Variants in TERB2 observed in about 807,000 individuals in gnomAD.
The protein encoded by TERB2 is telomere repeat binding bouquet formation protein 2, also known as telomere repeats-binding bouquet formation protein 2.
TERB2 carries 26 observed loss-of-function variants against 29.8 expected under a neutral mutation model. The observed-to-expected ratio is 0.87, with a 90% CI of 0.64 to 1.21. The LOEUF is 1.21. TERB2 is among the 50% of genes most tolerant of loss of function. The pLI is 0.00. For missense variants in TERB2, 240 were observed against 268.6 expected, an observed-to-expected ratio of 0.89 and a Z score of 0.74; for synonymous variants, 80 against 90.8, an observed-to-expected ratio of 0.88 and a Z score of 0.68.
intron 4 of TERB2, among the ~76,000 whole-genome samples, chr15:44,963,889 C>G (rs1460413617): frequency 2.1e-5 from 3 of 142,808 alleles, no homozygotes; most frequent in African/African-American, 7.9e-5. Flanking sequence ...AAGCTTACTG[C>G]GACCACCACC....
At chr15:44,971,389 A>G (rs1714293105) in intron 5 of TERB2, among the ~76,000 whole-genome samples, 1 of 152,144 alleles carries the variant, frequency 6.6e-6, no homozygotes, top group African/African-American at 2.4e-5. Context: ...GGATATTTTA[A>G]TTGATTCTAA....
At chr15:44,958,072 G>GC (rs200739765) in intron 2 of TERB2, among the ~76,000 whole-genome samples, 2,465 of 152,218 alleles carry the variant, frequency 0.016, 18 homozygotes, top group Middle Eastern at 0.031. Flanking sequence ...CCATGGATAA[G>GC]CCCCATAGGC....
intron 4 of TERB2, chr15:44,962,937 T>C (rs1285579122): frequency 6.6e-6 from 1 of 151,300 alleles, no homozygotes; most frequent in Non-Finnish European, 1.5e-5. Context: ...TACGTGTATA[T>C]GATACTCCAA....
intron 6 of TERB2, among the ~76,000 whole-genome samples, chr15:44,975,472 T>C (rs12902975): frequency 0.13 from 19,884 of 152,074 alleles, 1,536 homozygotes; most frequent in East Asian, 0.3. Context: ...TTCTTTGGAA[T>C]GGGTTGGGTT....
At chr15:44,974,581 T>C (rs1291457964) in intron 6 of TERB2, among the ~76,000 whole-genome samples, 1 of 151,968 alleles carries the variant, frequency 6.6e-6, no homozygotes, top group Non-Finnish European at 1.5e-5. Flanking sequence ...ATTGAGAGGG[T>C]AGAACCAAGG....
chr15:44,957,076 C>A (rs1283698960), intron 2 of TERB2, 99 bp downstream of exon 2: 1 of 1,241,416 alleles, frequency 8.1e-7, no homozygotes, highest in Non-Finnish European at 1.1e-6. Flanking sequence ...AGGCTGGGCG[C>A]GGTGGCGGAC....
At chr15:44,972,252 A>G (rs1294504871) in intron 5 of TERB2, among the ~76,000 whole-genome samples, 1 of 151,986 alleles carries the variant, frequency 6.6e-6, no homozygotes, top group East Asian at 1.9e-4. Flanking sequence ...CGGCCTCCCA[A>G]AGTGCTGGGA....
chr15:44,969,337 G>T (rs1891934567), intron 5 of TERB2, among the ~76,000 whole-genome samples: 1 of 151,942 alleles, frequency 6.6e-6, no homozygotes, highest in Non-Finnish European at 1.5e-5. Flanking sequence ...CAAACTCCTG[G>T]CCTCAAGCAA....
chr15:44,966,288 A>G, intron 5 of TERB2, 45 bp downstream of exon 5: 1 of 1,248,384 alleles, frequency 8.0e-7, no homozygotes, highest in Non-Finnish European at 1.1e-6. Context: ...CAATGTAGAA[A>G]TCTGTGAGCA....
intron 5 of TERB2, among the ~76,000 whole-genome samples, chr15:44,972,258 T>C (rs774110593): frequency 1.3e-4 from 20 of 152,008 alleles, no homozygotes; most frequent in Non-Finnish European, 2.8e-4. Context: ...CCCAAAGTGC[T>C]GGGATTACAG....
chr15:44,975,888 AT>A (rs1490838338), intron 6 of TERB2, among the ~76,000 whole-genome samples: 1 of 152,222 alleles, frequency 6.6e-6, no homozygotes, highest in East Asian at 1.9e-4. Context: ...TATGTGATTA[AT>A]AAGAGTAAGA....
At chr15:44,963,210 G>A (rs972700992) in intron 4 of TERB2, among the ~76,000 whole-genome samples, 22 of 152,250 alleles carry the variant, frequency 1.4e-4, no homozygotes, top group Admixed American at 7.8e-4. Context: ...GTAAAACAGC[G>A]TATCTTTACA....
intron 5 of TERB2, among the ~76,000 whole-genome samples, chr15:44,967,060 C>A (rs1891902911): frequency 6.6e-6 from 1 of 152,208 alleles, no homozygotes; most frequent in Non-Finnish European, 1.5e-5. Flanking sequence ...GATCACGCCA[C>A]TGCACTCTAG....
At chr15:44,957,938 T>C (rs1891744095) in intron 2 of TERB2, among the ~76,000 whole-genome samples, 1 of 152,156 alleles carries the variant, frequency 6.6e-6, no homozygotes, top group African/African-American at 2.4e-5. Flanking sequence ...TGCATGCCTT[T>C]TTCTTGTAAT....
intron 5 of TERB2, 28 bp downstream of exon 5, chr15:44,966,271 T>G (rs779323051): frequency 3.6e-6 from 5 of 1,379,688 alleles, no homozygotes; most frequent in Non-Finnish European, 4.8e-6. Flanking sequence ...TTCATTAATA[T>G]TCAATTCAAT....
chr15:44,975,707 C>A (rs534838099), intron 6 of TERB2, among the ~76,000 whole-genome samples: 40 of 152,068 alleles, frequency 2.6e-4, no homozygotes, highest in African/African-American at 8.7e-4. Flanking sequence ...TAGCATCACC[C>A]ATCTCTCCCC....
chr15:44,963,555 A>C (rs1891838526), intron 4 of TERB2, among the ~76,000 whole-genome samples: 1 of 151,952 alleles, frequency 6.6e-6, no homozygotes, highest in African/African-American at 2.4e-5. Flanking sequence ...AAAATTTAAC[A>C]ATGAACTGTA....
intron 5 of TERB2, chr15:44,970,789 T>C (rs553186420): frequency 6.3e-6 from 1 of 158,036 alleles, no homozygotes; most frequent in African/African-American, 2.4e-5. Context: ...AGAGTTCTAC[T>C]TCTTTAGATT....
intron 5 of TERB2, among the ~76,000 whole-genome samples, chr15:44,971,979 AGCTT>A (rs1436059033): frequency 7.5e-6 from 1 of 133,102 alleles, no homozygotes; most frequent in Admixed American, 7.6e-5. Flanking sequence ...ATGAAATAGA[AGCTT>A]TTTTTTTTTT....
Sources: allele counts gnomAD v4.1 joint callset (sites outside exome capture counted in the v4.1 genomes callset), GRCh38; gene constraint gnomAD v4.1.1; transcripts MANE v1.5; gene names NCBI Gene and HGNC (gene_info 2026-07-23, HGNC 2026-07-21).